The following SH3BP5 variants were observed in gnomAD, a reference collection of about 807,000 sequenced individuals.
SH3BP5 encodes the protein SH3 domain binding protein 5.
A neutral mutation model predicts 43.3 loss-of-function variants in SH3BP5; 22 were observed. That is an observed-to-expected ratio of 0.51 (90% CI 0.36 to 0.73). The LOEUF is 0.73. Ranked by LOEUF, SH3BP5 falls within the 30% of genes least tolerant of loss-of-function variation. The pLI is 0.00. For synonymous variants in SH3BP5, 255 were observed against 225.8 expected (o/e 1.13, Z -1.16); for missense variants, 529 against 586.9 (o/e 0.90, Z 1.02).
chr3:15,302,271 G>C (rs1262478954), intron 3 of SH3BP5, among the ~76,000 whole-genome samples: 1 of 152,172 alleles, frequency 6.6e-6, no homozygotes, highest in Non-Finnish European at 1.5e-5. Flanking sequence ...GTGGGAATTG[G>C]AAAGTGCTTT....
At chr3:15,272,030 A>T (rs186214952) in intron 3 of SH3BP5, among the ~76,000 whole-genome samples, 51 of 152,260 alleles carry the variant, frequency 3.3e-4, no homozygotes, top group Admixed American at 6.5e-4. Flanking sequence ...TCCCTAAGGC[A>T]GCCCCTGGGA....
At chr3:15,276,101 A>G (rs4685243) in intron 3 of SH3BP5, 65,250 of 149,664 alleles carry the variant, frequency 0.44, 17,326 homozygotes, top group African/African-American at 0.76. Flanking sequence ...TGAAGCCCTT[A>G]GAAATGTGGA....
At chr3:15,279,904 C>T (rs1015878654) in intron 3 of SH3BP5, among the ~76,000 whole-genome samples, 1 of 152,132 alleles carries the variant, frequency 6.6e-6, no homozygotes, top group Non-Finnish European at 1.5e-5. Flanking sequence ...CAGAGGGCTT[C>T]CCATTGCACT....
intron 2 of SH3BP5, among the ~76,000 whole-genome samples, chr3:15,314,328 A>T (rs542770018): frequency 1.1e-3 from 160 of 151,772 alleles, no homozygotes; most frequent in African/African-American, 3.7e-3. Flanking sequence ...GCTTTGAGAG[A>T]TCCTGCCATG....
At chr3:15,331,957 T>C (rs938788260) in intron 1 of SH3BP5, 5 of 299,726 alleles carry the variant, frequency 1.7e-5, no homozygotes, top group African/African-American at 1.1e-4. Flanking sequence ...GAGGATACCA[T>C]GGCGCCCCCG....
chr3:15,264,965 CT>C (rs1696580504), intron 4 of SH3BP5, among the ~76,000 whole-genome samples: 1 of 151,980 alleles, frequency 6.6e-6, no homozygotes, highest in African/African-American at 2.4e-5. Context: ...TTTGAGGGTC[CT>C]GTACAGAAAG....
chr3:15,288,417 G>A (rs1028648025), intron 3 of SH3BP5, among the ~76,000 whole-genome samples: 38 of 152,198 alleles, frequency 2.5e-4, no homozygotes, highest in African/African-American at 7.0e-4. Context: ...TCAGCCGGGA[G>A]GCAGTAGGGA....
chr3:15,272,946 A>G (rs1299907698), intron 3 of SH3BP5, among the ~76,000 whole-genome samples: 1 of 150,858 alleles, frequency 6.6e-6, no homozygotes, highest in African/African-American at 2.4e-5. Flanking sequence ...CACCCCCCCA[A>G]CCCCTGCCCC....
In SH3BP5 at chr3:15,269,716, C is replaced by G; in HGVS notation, c.492G>C (p.Gln164His). The G allele has an allele frequency of 6.3e-7, 1 of 1,594,722 alleles. No homozygotes were observed. Among genetic ancestry groups the G allele is most frequent in the Non-Finnish European group, 8.6e-7 (1 of 1,168,714 alleles). Reference sequence around the variant, plus strand: ...CACACCCGGCCATGACTCATACCCTCTGAGTGGCGTGATTCAGCATCTCCT... The same window carrying G: ...CACACCCGGCCATGACTCATACCCTGTGAGTGGCGTGATTCAGCATCTCCT... Reference protein sequence around the residue: ...AWQEMLNHATQRVMEAEQTKT... With the variant: ...AWQEMLNHATHRVMEAEQTKT... Residue 164 changes from glutamine to histidine, a missense_variant, in exon 4 of 9, where the codon CAG (glutamine) becomes CAC (histidine). Physicochemically the swap from Gln to His is conservative, Grantham distance 24 (BLOSUM62 0). Coordinates refer to ENST00000383791, the MANE Select transcript of SH3BP5 (RefSeq NM_004844.5).
At chr3:15,295,206 C>T (rs1256434177) in intron 3 of SH3BP5, among the ~76,000 whole-genome samples, 1 of 152,224 alleles carries the variant, frequency 6.6e-6, no homozygotes, top group Non-Finnish European at 1.5e-5. Context: ...CAAATACAGT[C>T]AGTCCTCATT....
At chr3:15,309,718 A>G (rs1044282957) in intron 2 of SH3BP5, among the ~76,000 whole-genome samples, 4 of 152,058 alleles carry the variant, frequency 2.6e-5, no homozygotes, top group African/African-American at 4.8e-5. Flanking sequence ...TTTTGTGACT[A>G]TCTGTACTAA....
At chr3:15,270,789 G>A (rs1156843404) in intron 3 of SH3BP5, among the ~76,000 whole-genome samples, 1 of 151,974 alleles carries the variant, frequency 6.6e-6, no homozygotes, top group Non-Finnish European at 1.5e-5. Context: ...AGCCAGGCAT[G>A]GTGGTGGGCA....
At chr3:15,266,401 C>G (rs908980197) in intron 4 of SH3BP5, among the ~76,000 whole-genome samples, 1 of 152,116 alleles carries the variant, frequency 6.6e-6, no homozygotes, top group African/African-American at 2.4e-5. Context: ...GGGGCTAGTT[C>G]AGAAACAGTT....
At position 15,306,290 on chromosome 3, in the gene SH3BP5, C is replaced by T. The variant is rs201603268; in HGVS notation, c.202-2059G>A. Among the ~76,000 whole-genome samples the T allele has an allele frequency of 3.9e-4, 59 of 152,230 alleles. 1 individual carries two copies. In the East Asian group the frequency reaches 8.3e-3, roughly 21 times the overall value. On this transcript the variant is annotated intron_variant, in intron 2 of 8. Transcript: ENST00000383791. ...AGGAGAATGGCGTGAACCCGGGAGG[C>T]GGAGCTTGCAGTGAGCTAAGATCGC... is the stretch of plus-strand genomic sequence containing the variant.
At chr3:15,260,074 C>G (rs1489640041) in intron 5 of SH3BP5, 2 of 502,700 alleles carry the variant, frequency 4.0e-6, no homozygotes, top group African/African-American at 3.9e-5. Flanking sequence ...CTTGGGGACT[C>G]TGCAACTTAG....
intron 8 of SH3BP5, 60 bp downstream of exon 8, chr3:15,256,793 A>G: frequency 6.5e-7 from 1 of 1,545,042 alleles, no homozygotes; most frequent in South Asian, 1.2e-5. Context: ...GGAATGGCAC[A>G]ACAGTCAGGC....
In SH3BP5 at chr3:15,296,616, C is replaced by T. The variant is rs181633209; in HGVS notation, c.330+7487G>A. Among the ~76,000 whole-genome samples, 214 of 151,916 alleles carry T rather than the reference C, an allele frequency of 1.4e-3. 2 individuals carry two copies. Among genetic ancestry groups the T allele is most frequent in the Non-Finnish European group, 2.1e-3 (145 of 67,972 alleles). ...CACAGACATGTAAAGTAATAACCTA[C>T]ATTTGACATATCCTTGAGTTTATAT... On this transcript the variant is annotated intron_variant, in intron 3 of 8. Transcript: ENST00000383791.
intron 3 of SH3BP5, among the ~76,000 whole-genome samples, chr3:15,272,663 A>T (rs1696846677): frequency 8.8e-6 from 1 of 113,432 alleles, no homozygotes; most frequent in South Asian, 2.8e-4. Context: ...TAGGATAAAG[A>T]CATTACAAAA....
intron 2 of SH3BP5, among the ~76,000 whole-genome samples, chr3:15,324,581 C>A (rs937696995): frequency 2.1e-5 from 2 of 93,986 alleles, no homozygotes. Flanking sequence ...AACAGTTACT[C>A]CTCCCTCCCC....
Sources: allele counts gnomAD v4.1 joint callset (sites outside exome capture counted in the v4.1 genomes callset), GRCh38; gene constraint gnomAD v4.1.1; transcripts MANE v1.5; gene names NCBI Gene and HGNC (gene_info 2026-07-23, HGNC 2026-07-21).